Variants in AKAP8 observed in about 807,000 individuals in gnomAD.
AKAP8 encodes A-kinase anchoring protein 8, also known as A-kinase anchor protein 8.
A neutral mutation model predicts 67.5 loss-of-function variants in AKAP8; 24 were observed. That is an observed-to-expected ratio of 0.36 (90% CI 0.26 to 0.50). The LOEUF (loss-of-function observed/expected upper bound fraction) is 0.50. AKAP8 is among the 20% of genes least tolerant of loss of function. AKAP8 has a pLI of 0.97. For synonymous variants in AKAP8, 400 were observed against 371.1 expected, an observed-to-expected ratio of 1.08 and a Z score of -0.90; for missense variants, 971 against 955.9, an observed-to-expected ratio of 1.02 and a Z score of -0.21.
In AKAP8 at chr19:15,368,325, G is replaced by GT. The variant is rs759415041; in HGVS notation, c.1073-4dup. On this transcript the variant is annotated splice_polypyrimidine_tract_variant and splice_region_variant and intron_variant, in intron 8 of 13. Coordinates refer to ENST00000269701, the MANE Select transcript of AKAP8 (RefSeq NM_005858.4). Reference sequence around the variant, plus strand: ...CTCGTCCTCGTCCTCCTTCTCTCCTGTAACAGACAAGTCCCTTCGAGACGC... The same window carrying GT: ...CTCGTCCTCGTCCTCCTTCTCTCCTGTTAACAGACAAGTCCCTTCGAGACGC... The GT allele has an allele frequency of 3.1e-6, 5 of 1,613,578 alleles. No individual in the cohort carries two copies. In the South Asian group the frequency reaches 5.5e-5, roughly 18 times the overall value.
At chr19:15,357,696 T>C (rs375566887) in intron 13 of AKAP8, among the ~76,000 whole-genome samples, 8 of 150,444 alleles carry the variant, frequency 5.3e-5, no homozygotes, top group African/African-American at 1.9e-4. Flanking sequence ...ACATCAGTCA[T>C]GTTTCCTCCC....
At chr19:15,376,460 G>T (rs1967254094) in intron 2 of AKAP8, among the ~76,000 whole-genome samples, 1 of 151,986 alleles carries the variant, frequency 6.6e-6, no homozygotes, top group Admixed American at 6.6e-5. Context: ...TCCAGCCTGG[G>T]CAACAGAGCA....
intron 10 of AKAP8, 52 bp from the exon 11 acceptor site, chr19:15,361,874 G>A: frequency 6.5e-7 from 1 of 1,542,102 alleles, no homozygotes; most frequent in Non-Finnish European, 9.0e-7. Flanking sequence ...GGCGCATGTG[G>A]GCATTTCTCA....
At chr19:15,378,784 G>C (rs971880405) in intron 1 of AKAP8, among the ~76,000 whole-genome samples, 4 of 152,174 alleles carry the variant, frequency 2.6e-5, no homozygotes, top group Non-Finnish European at 4.4e-5. Context: ...TCCCCTGTGG[G>C]CAAACTTTGC....
chr19:15,357,383 C>T (rs975563938), intron 13 of AKAP8, among the ~76,000 whole-genome samples: 1 of 123,344 alleles, frequency 8.1e-6, no homozygotes, highest in Non-Finnish European at 1.6e-5. Context: ...GAGCCGGGAT[C>T]GCACCACTGC....
intron 1 of AKAP8, among the ~76,000 whole-genome samples, chr19:15,378,026 C>T (rs538989659): frequency 6.6e-6 from 1 of 152,290 alleles, no homozygotes; most frequent in South Asian, 2.1e-4. Flanking sequence ...AGGAACATAT[C>T]CATGTCTCCC....
At position 15,379,770 on chromosome 19, in the gene AKAP8, C is replaced by A. The variant is rs748934580; in HGVS notation, c.-39G>T. The A allele has an allele frequency of 1.2e-6, 2 of 1,609,550 alleles. No individual in the cohort carries two copies. The highest frequency in any genetic ancestry group is 1.7e-6 in the Non-Finnish European group (2 of 1,178,432). On this transcript the variant is annotated 5_prime_UTR_variant, in exon 1 of 14. Coordinates refer to ENST00000269701, the MANE Select transcript of AKAP8 (RefSeq NM_005858.4). ...CCCACCAGCAGCCCCGTTTACTAGG[C>A]GACCACAGCACGCATGCGTTCAGCG...
chr19:15,363,489 G>A (rs1467083056), intron 9 of AKAP8, among the ~76,000 whole-genome samples: 4 of 140,926 alleles, frequency 2.8e-5, no homozygotes, highest in Admixed American at 1.4e-4. Context: ...AGGTGGGGGG[G>A]GTCAGCCCCC....
At chr19:15,367,012 A>G (rs1170667749) in intron 9 of AKAP8, among the ~76,000 whole-genome samples, 2 of 151,950 alleles carry the variant, frequency 1.3e-5, no homozygotes, top group Non-Finnish European at 2.9e-5. Flanking sequence ...AGTTTAAGTG[A>G]TTCTCCTGCC....
At position 15,372,208 on chromosome 19, in the gene AKAP8, C is replaced by T; in HGVS notation, c.991+10G>A. The T allele has an allele frequency of 1.2e-6, 2 of 1,614,082 alleles. No individual in the cohort carries two copies. The highest frequency in any genetic ancestry group is 1.1e-5 in the South Asian group (1 of 91,080). ...ACATCTGTCTGGCCCACCTGGCCCC[C>T]AGGACATACCATTTTCGGAGAAATC... On this transcript the variant is annotated intron_variant, in intron 6 of 13. Coordinates refer to ENST00000269701, the MANE Select transcript of AKAP8 (RefSeq NM_005858.4).
rs1599572610 is a variant in AKAP8, at chr19:15,374,620, C to T, written c.74G>A (p.Gly25Asp). The change falls in exon 3 of 14, where the codon GGT becomes GAT. Residue 25 changes from glycine (G) to aspartate (D), a missense_variant. Physicochemically the swap from Gly to Asp is moderately conservative, Grantham distance 94. Transcript: ENST00000269701. The stretch of plus-strand genomic sequence containing the variant: ...GGGCTTACCTTGCCAGCTGGCCACA[C>T]CAGTTCCATATGCACCTTAGGGGAA... ...PANTQGAYGT[G>D]VASWQGYENY... 1.2e-6 allele frequency: 2 copies of T among 1,613,610 alleles called. No individual in the cohort carries two copies. Among genetic ancestry groups the T allele is most frequent in the East Asian group, 4.5e-5 (2 of 44,802 alleles).
At position 15,372,214 on chromosome 19, in the gene AKAP8, A is replaced by T; in HGVS notation, c.991+4T>A. On this transcript the variant is annotated splice_donor_region_variant and intron_variant, in intron 6 of 13. Coordinates refer to ENST00000269701, the MANE Select transcript of AKAP8 (RefSeq NM_005858.4). Reference sequence around the variant, plus strand: ...GTCTGGCCCACCTGGCCCCCAGGACATACCATTTTCGGAGAAATCTCCTTC... The same window carrying T: ...GTCTGGCCCACCTGGCCCCCAGGACTTACCATTTTCGGAGAAATCTCCTTC... 1 of 1,614,156 alleles carries T rather than the reference A, an allele frequency of 6.2e-7. No homozygotes were observed. Among genetic ancestry groups the T allele is most frequent in the Non-Finnish European group, 8.5e-7 (1 of 1,180,022 alleles).
rs1393046906 is a variant in AKAP8, at chr19:15,354,630, G to T, written c.*285C>A. ...TATTGAACAAGTAATGTATCATCAA[G>T]ATATAATCACCCAACCTTTATTATT... is the stretch of plus-strand genomic sequence containing the variant. On this transcript the variant is annotated 3_prime_UTR_variant, in exon 14 of 14. Coordinates refer to ENST00000269701, the MANE Select transcript of AKAP8 (RefSeq NM_005858.4). 6.7e-6 allele frequency: 3 copies of T among 445,386 alleles called. No individual in the cohort carries two copies. Among genetic ancestry groups the T allele is most frequent in the Non-Finnish European group, 1.2e-5 (3 of 249,204 alleles). The allele number at this position is 445,386 out of a possible 1,614,324, so 27.6% of individuals were successfully genotyped here.
chr19:15,357,114 C>T (rs576045553), intron 13 of AKAP8, among the ~76,000 whole-genome samples: 8 of 152,096 alleles, frequency 5.3e-5, no homozygotes, highest in African/African-American at 1.2e-4. Flanking sequence ...CCCGCCACCA[C>T]GCCTGGCTAA....
At chr19:15,373,400 C>T (rs1967197075) in intron 4 of AKAP8, 60 bp from the exon 5 acceptor site, 15 of 1,535,078 alleles carry the variant, frequency 9.8e-6, no homozygotes, top group South Asian at 2.5e-5. Flanking sequence ...GCCACACTCC[C>T]TCAGTATAAC....
intron 2 of AKAP8, 38 bp downstream of exon 2, chr19:15,376,938 G>A (rs1040197753): frequency 6.9e-6 from 11 of 1,601,170 alleles, no homozygotes; most frequent in East Asian, 2.3e-5. Context: ...TGAGTTAGGG[G>A]AAGCCCACGC....
At chr19:15,375,192 T>G (rs1219532539) in intron 2 of AKAP8, among the ~76,000 whole-genome samples, 2 of 152,094 alleles carry the variant, frequency 1.3e-5, no homozygotes, top group Non-Finnish European at 2.9e-5. Flanking sequence ...CCTCGTGCCC[T>G]AAAACACGGG....
At position 15,373,834 on chromosome 19, in the gene AKAP8, C is replaced by T. The variant is rs537386173; in HGVS notation, c.323G>A (p.Gly108Asp). 3.4e-5 allele frequency: 55 copies of T among 1,612,262 alleles called. 1 individual carries two copies. The South Asian group carries it at 5.4e-4, about 16-fold the overall frequency. Residue 108 changes from glycine to aspartate, a missense_variant, in exon 4 of 14, where the codon GGC becomes GAC. Coordinates refer to ENST00000269701, the MANE Select transcript of AKAP8 (RefSeq NM_005858.4). ...CCCACCGCCGCCGCTCCCGCCCCTGCCTCCTTCCTTGGACATCATGTCCAA... is the reference window on the plus strand; with the variant it reads ...CCCACCGCCGCCGCTCCCGCCCCTGTCTCCTTCCTTGGACATCATGTCCAA... Reference protein sequence around the residue: ...QRLDMMSKEGGRGGSGGGGEG... With the variant: ...QRLDMMSKEGDRGGSGGGGEG...
intron 5 of AKAP8, 82 bp downstream of exon 5, chr19:15,372,769 G>C: frequency 1.4e-6 from 2 of 1,438,292 alleles, no homozygotes; most frequent in Non-Finnish European, 1.8e-6. Context: ...TTAAGTGAAT[G>C]TTGAGATGGG....
Sources: allele counts gnomAD v4.1 joint callset (sites outside exome capture counted in the v4.1 genomes callset), GRCh38; gene constraint gnomAD v4.1.1; transcripts MANE v1.5; gene names NCBI Gene and HGNC (gene_info 2026-07-23, HGNC 2026-07-21).